Variants in IMMP2L observed in about 807,000 individuals in gnomAD.
IMMP2L encodes inner mitochondrial membrane peptidase subunit 2.
A neutral mutation model predicts 19.3 loss-of-function variants in IMMP2L; 18 were observed. The observed-to-expected ratio is 0.93, with a 90% CI of 0.64 to 1.38. The LOEUF (loss-of-function observed/expected upper bound fraction) is 1.38, where lower values mean the gene tolerates loss of function less well. IMMP2L is among the 40% of genes most tolerant of loss of function. The pLI is 0.00. For missense variants in IMMP2L, 233 were observed against 218.2 expected (o/e 1.07, Z -0.43); for synonymous variants, 76 against 73.0 (o/e 1.04, Z -0.21).
At position 111,544,751 on chromosome 7, in the gene IMMP2L, G is replaced by A. The variant is rs560814622; in HGVS notation, c.-3+17100C>T. 3.3e-5 allele frequency among the ~76,000 whole-genome samples: 5 copies of A among 151,452 alleles called. No homozygotes were observed. In the East Asian group the frequency reaches 7.7e-4, roughly 23 times the overall value. On this transcript the variant is annotated intron_variant, in intron 1 of 5. Transcript: ENST00000405709. ...GAGAGAAAAGCAGCTGAGAAGGGGA[G>A]GTTTACATTCAACATGTATAAAAAT...
chr7:110,801,111 A>G (rs180720782), intron 5 of IMMP2L, among the ~76,000 whole-genome samples: 1 of 152,212 alleles, frequency 6.6e-6, no homozygotes, highest in Admixed American at 6.5e-5. Flanking sequence ...ATTGTTTTTA[A>G]CTCATGACTG....
chr7:111,083,999 G>C (rs1796096981), intron 3 of IMMP2L, among the ~76,000 whole-genome samples: 2 of 152,162 alleles, frequency 1.3e-5, no homozygotes, highest in African/African-American at 4.8e-5. Flanking sequence ...ACAGTAAGAA[G>C]TAGGCTTGCT....
At chr7:111,169,465 A>C (rs1806194352) in intron 3 of IMMP2L, among the ~76,000 whole-genome samples, 2 of 151,848 alleles carry the variant, frequency 1.3e-5, no homozygotes, top group African/African-American at 4.8e-5. Flanking sequence ...GGTTACATTC[A>C]GGGTTGGTTT....
At chr7:110,963,998 T>C (rs1166803553) in intron 3 of IMMP2L, among the ~76,000 whole-genome samples, 1 of 17,340 alleles carries the variant, frequency 5.8e-5, no homozygotes, top group East Asian at 4.7e-4. Flanking sequence ...TTCCCTCATG[T>C]TGTTCTCCCT....
intron 1 of IMMP2L, among the ~76,000 whole-genome samples, chr7:111,552,476 C>A (rs553673509): frequency 6.6e-6 from 1 of 152,198 alleles, no homozygotes; most frequent in South Asian, 2.1e-4. Flanking sequence ...TTAGTAGAGA[C>A]AGAGTTTCAC....
intron 3 of IMMP2L, chr7:111,392,015 C>G: frequency 1.4e-6 from 1 of 702,554 alleles, no homozygotes. Flanking sequence ...AATGTCCTCT[C>G]CTACCTTTGT....
chr7:111,295,148 T>C (rs1425005921), intron 3 of IMMP2L, among the ~76,000 whole-genome samples: 1 of 151,936 alleles, frequency 6.6e-6, no homozygotes, highest in Non-Finnish European at 1.5e-5. Context: ...TGTAACAAGG[T>C]ACTGAAGTTA....
chr7:111,061,782 G>T (rs140844322), intron 3 of IMMP2L, among the ~76,000 whole-genome samples: 2 of 152,328 alleles, frequency 1.3e-5, no homozygotes, highest in African/African-American at 4.8e-5. Context: ...TAAACTCAAT[G>T]ATTTCATTGA....
intron 3 of IMMP2L, among the ~76,000 whole-genome samples, chr7:111,402,914 T>C (rs994748119): frequency 6.6e-6 from 1 of 151,778 alleles, no homozygotes; most frequent in Non-Finnish European, 1.5e-5. Context: ...TTCTTTCTTT[T>C]CTTTCTCTGA....
intron 5 of IMMP2L, among the ~76,000 whole-genome samples, chr7:110,875,029 T>A (rs1808926341): frequency 6.6e-6 from 1 of 152,088 alleles, no homozygotes; most frequent in Non-Finnish European, 1.5e-5. Context: ...CCTAATGACC[T>A]CTTAAACATC....
intron 3 of IMMP2L, among the ~76,000 whole-genome samples, chr7:111,332,619 A>C (rs1319611374): frequency 2.0e-5 from 3 of 152,020 alleles, no homozygotes; most frequent in Non-Finnish European, 4.4e-5. Flanking sequence ...GCAGATCAAT[A>C]AACATGTAAA....
intron 3 of IMMP2L, among the ~76,000 whole-genome samples, chr7:111,327,307 C>T (rs1159386720): frequency 6.6e-6 from 1 of 151,750 alleles, no homozygotes; most frequent in Non-Finnish European, 1.5e-5. Context: ...TCTTAAAATT[C>T]ATGTAAGAGA....
chr7:110,993,234 A>T (rs1285442448), intron 3 of IMMP2L, among the ~76,000 whole-genome samples: 3 of 152,152 alleles, frequency 2.0e-5, no homozygotes, highest in African/African-American at 4.8e-5. Context: ...TGAAATGAAA[A>T]GGAAGAAGTA....
chr7:111,557,277 T>C (rs11973754), intron 1 of IMMP2L, among the ~76,000 whole-genome samples: 118,492 of 151,924 alleles, frequency 0.78, 47,855 homozygotes, highest in East Asian at 0.97. Flanking sequence ...TGATCTTCCA[T>C]GACACTCACA....
At chr7:111,229,534 C>T (rs969983071) in intron 3 of IMMP2L, among the ~76,000 whole-genome samples, 1 of 151,986 alleles carries the variant, frequency 6.6e-6, no homozygotes, top group African/African-American at 2.4e-5. Flanking sequence ...CACACCAACT[C>T]ACCCTACTCA....
At chr7:110,669,103 A>G (rs200386729) in intron 5 of IMMP2L, among the ~76,000 whole-genome samples, 55 of 140,474 alleles carry the variant, frequency 3.9e-4, no homozygotes, top group African/African-American at 1.6e-3. Flanking sequence ...ATGTATATAT[A>G]TATATAGAGA....
intron 3 of IMMP2L, among the ~76,000 whole-genome samples, chr7:111,235,209 C>T (rs1814152470): frequency 1.3e-5 from 2 of 151,992 alleles, no homozygotes; most frequent in African/African-American, 4.8e-5. Context: ...CAGTGGCTCA[C>T]GCCTGTAATA....
intron 5 of IMMP2L, among the ~76,000 whole-genome samples, chr7:110,735,681 TACACACACACACACACACACACAC>T (rs3051068): frequency 1.7e-5 from 2 of 114,814 alleles, no homozygotes; most frequent in Admixed American, 9.4e-5. Context: ...AGTAGACAAA[TACACACACACACACACACACACAC>T]ACACACACAC....
intron 3 of IMMP2L, among the ~76,000 whole-genome samples, chr7:111,113,253 C>G (rs1281181877): frequency 6.6e-6 from 1 of 152,196 alleles, no homozygotes; most frequent in Admixed American, 6.5e-5. Context: ...TTCTGTCAAA[C>G]TGAGTTAATC....
Sources: gnomAD v4.1 joint callset for allele counts (sites outside exome capture counted in the v4.1 genomes callset) on GRCh38, gnomAD v4.1.1 for gene constraint, MANE v1.5 for transcripts, NCBI Gene and HGNC (gene_info 2026-07-23, HGNC 2026-07-21) for gene names.